Variants in CDK15 observed in about 807,000 individuals in gnomAD.
CDK15 encodes cyclin-dependent kinase 15.
In CDK15, 62 loss-of-function variants were observed where a neutral mutation model predicts 60.3. The observed-to-expected ratio is 1.03, with a 90% confidence interval of 0.84 to 1.27. The LOEUF (loss-of-function observed/expected upper bound fraction) is 1.27, where lower values mean the gene tolerates loss of function less well. Ranked by LOEUF, CDK15 falls within the 50% of genes most tolerant of loss-of-function variation. CDK15 has a pLI of 0.00. For synonymous variants in CDK15, 194 were observed against 195.7 expected, an observed-to-expected ratio of 0.99 and a Z score of 0.07; for missense variants, 541 against 527.8, an observed-to-expected ratio of 1.03 and a Z score of -0.25.
At chr2:201,811,291 C>T (rs981662652) in intron 3 of CDK15, among the ~76,000 whole-genome samples, 1 of 151,996 alleles carries the variant, frequency 6.6e-6, no homozygotes, top group African/African-American at 2.4e-5. Flanking sequence ...GCTGGGACTA[C>T]AGGTGCCCAC....
At chr2:201,853,481 T>C (rs1331366665) in intron 9 of CDK15, among the ~76,000 whole-genome samples, 1 of 152,182 alleles carries the variant, frequency 6.6e-6, no homozygotes, top group Non-Finnish European at 1.5e-5. Flanking sequence ...TTATATTCAG[T>C]CATTGTTGGG....
At position 201,882,857 on chromosome 2, in the gene CDK15, C is replaced by G. The variant is rs986036063; in HGVS notation, c.1198+2690C>G. ...TCGTGACAGTGGCTCTCACCACCAGCACATTATCTACTAAGAGATGCGGTC... is the reference window on the plus strand; with the variant it reads ...TCGTGACAGTGGCTCTCACCACCAGGACATTATCTACTAAGAGATGCGGTC... On this transcript the variant is annotated intron_variant, in intron 12 of 13. Coordinates refer to ENST00000652192, the MANE Select transcript of CDK15 (RefSeq NM_001366386.2). This position sits in a 1 kb window ranked among gnomAD's most constrained non-coding sequence, Gnocchi z 4.0. Among the ~76,000 whole-genome samples the G allele has an allele frequency of 7.2e-5, 11 of 152,234 alleles. No homozygotes were observed. Among genetic ancestry groups the G allele is most frequent in the Non-Finnish European group, 1.3e-4 (9 of 68,044 alleles).
intron 10 of CDK15, among the ~76,000 whole-genome samples, chr2:201,863,140 A>G (rs184873510): frequency 6.6e-6 from 1 of 152,312 alleles, no homozygotes; most frequent in African/African-American, 2.4e-5. Context: ...CCCCCAAATC[A>G]GTCAGTGAAA....
intron 6 of CDK15, among the ~76,000 whole-genome samples, chr2:201,825,010 A>G (rs1437107412): frequency 6.6e-6 from 1 of 152,206 alleles, no homozygotes; most frequent in Non-Finnish European, 1.5e-5. Flanking sequence ...TAATTTTTGT[A>G]CATTTGGAAT....
chr2:201,845,843 AAAAGAG>A (rs776447083), intron 8 of CDK15, among the ~76,000 whole-genome samples: 4 of 146,564 alleles, frequency 2.7e-5, no homozygotes, highest in African/African-American at 7.4e-5. Context: ...TTAAAAAAAA[AAAAGAG>A]AGAGAGAGAG....
In CDK15 at chr2:201,854,858, G is replaced by T. The variant is rs779117119; in HGVS notation, c.946-16G>T. The T allele has an allele frequency of 6.2e-7, 1 of 1,612,862 alleles. No individual in the cohort carries two copies. The highest frequency in any genetic ancestry group is 1.7e-5 in the Admixed American group (1 of 59,944). Reference sequence around the variant, plus strand: ...CCCCACCTCACCTTTCTTTTTCTTTGTTTGGCTTTATATAGGTGCTGGGAG... The same window carrying T: ...CCCCACCTCACCTTTCTTTTTCTTTTTTTGGCTTTATATAGGTGCTGGGAG... On this transcript the variant is annotated splice_polypyrimidine_tract_variant and intron_variant, in intron 9 of 13. Transcript: ENST00000652192.
intron 13 of CDK15, 29 bp downstream of exon 13, chr2:201,890,956 A>G (rs1699622478): frequency 1.6e-6 from 2 of 1,237,004 alleles, no homozygotes; most frequent in African/African-American, 3.0e-5. Context: ...GAGGTTCCTT[A>G]TGGAACAAAT....
intron 3 of CDK15, 45 bp downstream of exon 3, chr2:201,807,997 G>A: frequency 2.7e-6 from 4 of 1,507,910 alleles, no homozygotes; most frequent in African/African-American, 1.4e-5. Flanking sequence ...TGAGAGTCCC[G>A]CCCCCCCAAT....
Position 201,880,073 on chromosome 2 carries a change from A to G in CDK15, c.1104A>G (p.Leu368=), listed in dbSNP as rs1185781538. The G allele has an allele frequency of 1.5e-5, 25 of 1,613,966 alleles. No individual in the cohort carries two copies. The highest frequency in any genetic ancestry group is 4.5e-5 in the East Asian group (2 of 44,882). ...PEAEDLASQM[L]KGFPRDRVSA... is the part of the protein sequence containing the mutation. ...CTGAAGACCTGGCCTCCCAGATGCTAAAAGGCTTTCCCAGAGACCGCGTCT... is the reference window on the plus strand; with the variant it reads ...CTGAAGACCTGGCCTCCCAGATGCTGAAAGGCTTTCCCAGAGACCGCGTCT... The change falls in exon 12 of 14, where the codon CTA becomes CTG. Residue 368 remains leucine, a synonymous_variant. Coordinates refer to ENST00000652192, the MANE Select transcript of CDK15 (RefSeq NM_001366386.2).
chr2:201,839,628 T>C (rs943030432), intron 8 of CDK15, among the ~76,000 whole-genome samples: 14 of 152,036 alleles, frequency 9.2e-5, no homozygotes, highest in Admixed American at 6.6e-5. Context: ...AGTCATGATA[T>C]CTACAATTTA....
intron 8 of CDK15, among the ~76,000 whole-genome samples, chr2:201,842,979 T>A (rs1399405384): frequency 6.6e-6 from 1 of 152,072 alleles, no homozygotes; most frequent in African/African-American, 2.4e-5. Context: ...GGAATGAAGA[T>A]TTAAGGACAA....
intron 4 of CDK15, among the ~76,000 whole-genome samples, chr2:201,821,508 T>C (rs16838226): frequency 0.21 from 31,724 of 152,086 alleles, 3,748 homozygotes; most frequent in East Asian, 0.41. Flanking sequence ...TCAGTTGTTT[T>C]TAATCTTATG....
At chr2:201,815,196 G>A (rs1033830480) in intron 4 of CDK15, among the ~76,000 whole-genome samples, 11 of 152,000 alleles carry the variant, frequency 7.2e-5, no homozygotes, top group Non-Finnish European at 1.0e-4. Context: ...AGTGATCTGC[G>A]TGTCTCAGCC....
Position 201,872,420 on chromosome 2 carries a change from C to T in CDK15, c.1058+94C>T, listed in dbSNP as rs1475607937. 2.2e-5 allele frequency: 29 copies of T among 1,329,414 alleles called. No individual in the cohort carries two copies. The Middle Eastern group carries it at 5.5e-4, about 25-fold the overall frequency. 82.4% of individuals were successfully genotyped at this position (1,329,414 alleles called of 1,614,324 possible). ...TCTCAGTCCACTGAACAGCAGCCCC[C>T]GAGCACTTCCATGTGGGGGCTCTAA... On this transcript the variant is annotated intron_variant, in intron 11 of 13. Transcript: ENST00000652192.
intron 12 of CDK15, among the ~76,000 whole-genome samples, chr2:201,885,077 T>G (rs775494597): frequency 2.2e-4 from 34 of 152,308 alleles, no homozygotes; most frequent in Middle Eastern, 3.4e-3. Context: ...AATGTCGTGT[T>G]CCTCTCAATA....
chr2:201,836,089 T>C (rs1284551630), intron 8 of CDK15, among the ~76,000 whole-genome samples: 1 of 92,366 alleles, frequency 1.1e-5, no homozygotes, highest in African/African-American at 3.7e-5. Context: ...TATATTTATA[T>C]ATTTATATAT....
chr2:201,824,800 C>A, intron 6 of CDK15: 2 of 679,480 alleles, frequency 2.9e-6, no homozygotes, highest in Non-Finnish European at 4.2e-6. Context: ...TGTGAAACAC[C>A]CTCAGCCATC....
chr2:201,877,697 C>T (rs560724847), intron 11 of CDK15, among the ~76,000 whole-genome samples: 2 of 152,296 alleles, frequency 1.3e-5, no homozygotes, highest in South Asian at 4.1e-4. Flanking sequence ...TCTGCCAGTC[C>T]TTCTTCAGGC....
At chr2:201,867,595 C>A (rs542009878) in intron 10 of CDK15, among the ~76,000 whole-genome samples, 1 of 152,124 alleles carries the variant, frequency 6.6e-6, no homozygotes, top group Non-Finnish European at 1.5e-5. Flanking sequence ...CATGCCATTG[C>A]ACTCCAGCCT....
Sources: allele counts gnomAD v4.1 joint callset (sites outside exome capture counted in the v4.1 genomes callset), GRCh38; gene constraint gnomAD v4.1.1; non-coding constraint Gnocchi (gnomAD v3.1); transcripts MANE v1.5; gene names NCBI Gene and HGNC (gene_info 2026-07-23, HGNC 2026-07-21).